Variants in FGFR4 observed in about 807,000 individuals in gnomAD.
The protein encoded by FGFR4 is fibroblast growth factor receptor 4.
A neutral mutation model predicts 89.9 loss-of-function variants in FGFR4; 63 were observed. That is an observed-to-expected ratio of 0.70 (90% confidence interval 0.57 to 0.86). FGFR4 has a LOEUF of 0.86. FGFR4 is among the 40% of genes least tolerant of loss of function. The pLI is 0.00. For synonymous variants in FGFR4, 486 were observed against 479.4 expected, an observed-to-expected ratio of 1.01 and a Z score of -0.18; for missense variants, 928 against 1,106.7, an observed-to-expected ratio of 0.84 and a Z score of 2.29.
At chr5:177,094,500 C>G (rs1035283641) in intron 11 of FGFR4, among the ~76,000 whole-genome samples, 5 of 151,990 alleles carry the variant, frequency 3.3e-5, no homozygotes, top group Admixed American at 3.3e-4. Flanking sequence ...ATGGTTCCCC[C>G]CAGACACACC....
rs1403755815 is a variant in FGFR4, at chr5:177,095,199, C to G, written c.1520-131C>G. On this transcript the variant is annotated intron_variant, in intron 11 of 17. Transcript: ENST00000292408. The surrounding 1 kb of genome is among the most constrained non-coding windows in gnomAD (Gnocchi z 5.7). Reference sequence around the variant, plus strand: ...ACGCTAGGAGACTTTTTCAAGGCCACACAGCCTAGCAAGGATTCAGCCCTA... The same window carrying G: ...ACGCTAGGAGACTTTTTCAAGGCCAGACAGCCTAGCAAGGATTCAGCCCTA... 1 of 748,814 alleles carries G rather than the reference C, an allele frequency of 1.3e-6. No individual in the cohort carries two copies. The highest frequency in any genetic ancestry group is 2.3e-6 in the Non-Finnish European group (1 of 429,954). The allele number at this position is 748,814 out of a possible 1,614,324, so 46.4% of individuals were successfully genotyped here. A position where few individuals can be genotyped will look rare whatever the true frequency, so the allele number is the denominator to read the frequency against.
At chr5:177,089,523 A>G (rs1237963062) in intron 1 of FGFR4, 27 bp from the exon 2 acceptor site, 3 of 1,525,858 alleles carry the variant, frequency 2.0e-6, no homozygotes, top group South Asian at 1.2e-5. Flanking sequence ...CACGTGTAGC[A>G]GGAGCTCTTT....
chr5:177,096,686 T>C lies in FGFR4; in HGVS notation c.2098T>C (p.Ser700Pro), dbSNP rs199817274. The change falls in exon 16 of 18, where the codon TCG becomes CCG. Residue 700 changes from serine to proline, a missense_variant. By Grantham distance (74) the Ser-to-Pro change is moderately conservative. Around this residue, in one of 5 missense-constraint regions of FGFR4, gnomAD observed 129 missense variants for 150.8 expected, o/e 0.86. Transcript: ENST00000292408. Reference sequence around the variant, plus strand: ...TGGCATCCCGGTGGAGGAGCTGTTCTCGCTGCTGCGGGAGGGACATCGGAT... The same window carrying C: ...TGGCATCCCGGTGGAGGAGCTGTTCCCGCTGCTGCGGGAGGGACATCGGAT... ...YPGIPVEELF[S>P]LLREGHRMDR... 3.7e-5 allele frequency: 60 copies of C among 1,608,454 alleles called. No homozygotes were observed. Among genetic ancestry groups the C allele is most frequent in the Non-Finnish European group, 4.8e-5 (57 of 1,177,246 alleles).
At chr5:177,089,726 G>A in intron 2 of FGFR4, 33 bp downstream of exon 2, 1 of 1,607,234 alleles carries the variant, frequency 6.2e-7, no homozygotes, top group Non-Finnish European at 8.5e-7. Flanking sequence ...GGGTGGCAGG[G>A]GTGGGAAGAG....
rs11954456 is a variant in FGFR4 at position 177,092,418 on chromosome 5, C to G, written c.825C>G (p.Ser275Arg). ...TGGAGCTGCTGTGCAAGGTGTACAG[C>G]GATGCCCAGCCCCACATCCAGTGGC... ...SDVELLCKVYSDAQPHIQWLK... is the reference protein window; with the variant it reads ...SDVELLCKVYRDAQPHIQWLK... The change falls in exon 7 of 18, where the codon AGC (serine) becomes AGG (arginine). Residue 275 changes from serine (S) to arginine (R), a missense_variant. Ser to Arg is a moderately radical substitution (Grantham distance 110, BLOSUM62 -1). Around this residue, in one of 5 missense-constraint regions of FGFR4, gnomAD observed 741 missense variants for 836.9 expected, o/e 0.89. Coordinates refer to ENST00000292408, the MANE Select transcript of FGFR4 (RefSeq NM_213647.3). The G allele has an allele frequency of 1.9e-6, 3 of 1,607,754 alleles. No individual in the cohort carries two copies. In the African/African-American group the frequency reaches 4.0e-5, roughly 21 times the overall value.
chr5:177,089,834 A>AGT, intron 2 of FGFR4, 141 bp downstream of exon 2: 2 of 1,045,624 alleles, frequency 1.9e-6, no homozygotes, highest in Non-Finnish European at 2.9e-6. Flanking sequence ...AACCACTGAG[A>AGT]CTCAGTCAGT....
chr5:177,091,513 G>A (rs1044469158), intron 5 of FGFR4, among the ~76,000 whole-genome samples, 172 bp from the exon 6 acceptor site: 5 of 152,222 alleles, frequency 3.3e-5, no homozygotes, highest in African/African-American at 9.6e-5. Flanking sequence ...AGGCTCAAGC[G>A]CCCTGGGGAG....
rs2149732193 is a variant in FGFR4, at chr5:177,091,056, T to A, written c.555T>A (p.Leu185=). Residue 185 remains leucine, a synonymous_variant, in exon 5 of 18, where the codon CTT becomes CTA. Transcript: ENST00000292408. ...ACCCCACGCCCACCATCCGCTGGCT[T>A]AAGGATGGACAGGCCTTTCATGGGG... The part of the protein sequence containing the change: ...AGNPTPTIRW[L]KDGQAFHGEN... The A allele has an allele frequency of 6.2e-7, 1 of 1,604,328 alleles. No individual in the cohort carries two copies. Among genetic ancestry groups the A allele is most frequent in the South Asian group, 1.1e-5 (1 of 90,758 alleles).
intron 16 of FGFR4, 92 bp downstream of exon 16, chr5:177,096,833 C>T (rs1784585378): frequency 7.0e-7 from 1 of 1,438,042 alleles, no homozygotes; most frequent in South Asian, 1.3e-5. Flanking sequence ...GCCAGAAGGA[C>T]AACACTAACA....
Position 177,093,506 on chromosome 5 carries a change from G to T in FGFR4, c.1352G>T (p.Ser451Ile), listed in dbSNP as rs1784444601. The change falls in exon 10 of 18, where the codon AGT (serine) becomes ATT (isoleucine). Residue 451 changes from serine to isoleucine, a missense_variant. Ser to Ile is a moderately radical substitution (Grantham distance 142). Around this residue, in one of 5 missense-constraint regions of FGFR4, gnomAD observed 741 missense variants for 836.9 expected, o/e 0.89. Coordinates refer to ENST00000292408, the MANE Select transcript of FGFR4 (RefSeq NM_213647.3). This position sits in a 1 kb window ranked among gnomAD's most constrained non-coding sequence, Gnocchi z 5.8. ...SGPALLAGLV[S>I]LDLPLDPLWE... ...CCCGCCTTGCTCGCCGGCCTCGTGA[G>T]TCTAGATCTACCTCTCGACCCACTA... 1.9e-6 allele frequency: 3 copies of T among 1,613,896 alleles called. No individual in the cohort carries two copies. The highest frequency in any genetic ancestry group is 2.5e-6 in the Non-Finnish European group (3 of 1,180,014).
rs1385967636 is a variant in FGFR4 at position 177,087,861 on chromosome 5, A to C, written c.-54+784A>C. Reference sequence around the variant, plus strand: ...AGAGAGCACATGTGCCCAGTTTTGAAAGCCAATGGCTTCAGCGCTCCTGAA... The same window carrying C: ...AGAGAGCACATGTGCCCAGTTTTGACAGCCAATGGCTTCAGCGCTCCTGAA... On this transcript the variant is annotated intron_variant, in intron 1 of 17. Coordinates refer to ENST00000292408, the MANE Select transcript of FGFR4 (RefSeq NM_213647.3). The surrounding 1 kb of genome is among the most constrained non-coding windows in gnomAD (Gnocchi z 6.1). Among the ~76,000 whole-genome samples the C allele has an allele frequency of 6.6e-5, 10 of 152,062 alleles. No homozygotes were observed. The highest frequency in any genetic ancestry group is 6.6e-4 in the Admixed American group (10 of 15,266).
chr5:177,091,307 C>T (rs1784359339), intron 5 of FGFR4, among the ~76,000 whole-genome samples: 1 of 152,214 alleles, frequency 6.6e-6, no homozygotes, highest in Non-Finnish European at 1.5e-5. Context: ...TCAGCCTCAG[C>T]AACTCCATTT....
At position 177,096,755 on chromosome 5, in the gene FGFR4, C is replaced by A; in HGVS notation, c.2153+14C>A. 2 of 1,562,014 alleles carry A rather than the reference C, an allele frequency of 1.3e-6. No individual in the cohort carries two copies. The highest frequency in any genetic ancestry group is 1.7e-6 in the Non-Finnish European group (2 of 1,153,674). On this transcript the variant is annotated intron_variant, in intron 16 of 17. Coordinates refer to ENST00000292408, the MANE Select transcript of FGFR4 (RefSeq NM_213647.3). ...CCCCCCAGAGCTGTGAGGCCTCACC[C>A]TGCCCTCGACCCCACTTTCCAGTCC...
At chr5:177,097,143 T>A in intron 16 of FGFR4, 149 bp from the exon 17 acceptor site, 1 of 617,808 alleles carries the variant, frequency 1.6e-6, no homozygotes, top group Non-Finnish European at 2.9e-6. Flanking sequence ...CTCAGCCTAG[T>A]GGAGTGTCCT....
chr5:177,094,028 G>A (rs892601886), intron 11 of FGFR4, among the ~76,000 whole-genome samples: 2 of 152,038 alleles, frequency 1.3e-5, no homozygotes, highest in Non-Finnish European at 2.9e-5. Flanking sequence ...CCATGATCAC[G>A]CCACTGTATT....
rs1348364438 is a variant in FGFR4 at position 177,095,430 on chromosome 5, C to T, written c.1620C>T (p.Cys540=). The T allele has an allele frequency of 1.2e-6, 2 of 1,614,082 alleles. No homozygotes were observed. Among genetic ancestry groups the T allele is most frequent in the Non-Finnish European group, 1.7e-6 (2 of 1,180,036 alleles). ...HKNIINLLGV[C]TQEGPLYVIV... is the part of the protein sequence containing the mutation. ...ACATCATCAACCTGCTTGGTGTCTG[C>T]ACCCAGGAAGGTGGGGCCGAGGCGG... The change falls in exon 12 of 18, where the codon TGC becomes TGT. Residue 540 remains cysteine (C), a synonymous_variant. Coordinates refer to ENST00000292408, the MANE Select transcript of FGFR4 (RefSeq NM_213647.3). This position sits in a 1 kb window ranked among gnomAD's most constrained non-coding sequence, Gnocchi z 5.7.
rs1784551922 is a variant in FGFR4, at chr5:177,096,108, GTGA to G, written c.1877_1879del (p.Met626del). On this transcript the variant is annotated inframe_deletion, in exon 14 of 18. Coordinates refer to ENST00000292408, the MANE Select transcript of FGFR4 (RefSeq NM_213647.3). ...CAATGTGCTGGTGACTGAGGACAAT[GTGA>G]TGAAGATTGCTGACTTTGGGCTGGC... 1 of 1,614,074 alleles carries G rather than the reference GTGA, an allele frequency of 6.2e-7. No individual in the cohort carries two copies. Among genetic ancestry groups the G allele is most frequent in the Non-Finnish European group, 8.5e-7 (1 of 1,180,014 alleles).
rs911211924 is a variant in FGFR4, at chr5:177,097,891, G to T, written c.*215G>T. On this transcript the variant is annotated 3_prime_UTR_variant, in exon 18 of 18. Transcript: ENST00000292408. ...TCTGCTCGGCTTCTTGGACCTTGGCGCTTAGTCCCCATCCCGGGTTTGGCT... is the reference window on the plus strand; with the variant it reads ...TCTGCTCGGCTTCTTGGACCTTGGCTCTTAGTCCCCATCCCGGGTTTGGCT... The T allele has an allele frequency of 1.0e-5, 5 of 496,064 alleles. No individual in the cohort carries two copies. Among genetic ancestry groups the T allele is most frequent in the Non-Finnish European group, 1.7e-5 (5 of 293,594 alleles). 30.7% of individuals were successfully genotyped at this position (496,064 alleles called of 1,614,324 possible).
At chr5:177,091,163 C>T (rs1489398713) in intron 5 of FGFR4, 59 bp downstream of exon 5, 1 of 1,482,388 alleles carries the variant, frequency 6.7e-7, no homozygotes, top group African/African-American at 1.4e-5. Flanking sequence ...CATCAGTCCC[C>T]TCATACCTAC....
Sources: allele counts gnomAD v4.1 joint callset (sites outside exome capture counted in the v4.1 genomes callset), GRCh38; gene constraint gnomAD v4.1.1; regional missense constraint gnomAD v4.1.1; non-coding constraint Gnocchi (gnomAD v3.1); transcripts MANE v1.5; gene names NCBI Gene and HGNC (gene_info 2026-07-23, HGNC 2026-07-21).